The following SUPT20H variants were observed in gnomAD, a reference collection of about 807,000 sequenced individuals.
The protein encoded by SUPT20H is SPT20 homolog, SAGA complex component, also known as transcription factor SPT20 homolog.
A neutral mutation model predicts 122.8 loss-of-function variants in SUPT20H; 82 were observed. The observed-to-expected ratio is 0.67, with a 90% CI of 0.56 to 0.80. The LOEUF (loss-of-function observed/expected upper bound fraction) is 0.80. Ranked by LOEUF, SUPT20H falls within the 30% of genes least tolerant of loss-of-function variation. SUPT20H has a pLI of 0.00. For synonymous variants in SUPT20H, 291 were observed against 313.0 expected, an observed-to-expected ratio of 0.93 and a Z score of 0.74; for missense variants, 831 against 921.6, an observed-to-expected ratio of 0.90 and a Z score of 1.27.
At chr13:37,050,599 G>A (rs2067473601) in intron 2 of SUPT20H, among the ~76,000 whole-genome samples, 1 of 152,102 alleles carries the variant, frequency 6.6e-6, no homozygotes, top group South Asian at 2.1e-4. Context: ...TAAACAGCCA[G>A]TCATCTCAAG....
intron 7 of SUPT20H, 135 bp downstream of exon 7, chr13:37,043,943 A>C: frequency 1.8e-6 from 1 of 566,340 alleles, no homozygotes; most frequent in Non-Finnish European, 3.0e-6. Context: ...CAGTGATAGA[A>C]ATTAAATATC....
intron 9 of SUPT20H, among the ~76,000 whole-genome samples, chr13:37,034,352 T>G (rs1056349444): frequency 2.6e-5 from 4 of 152,190 alleles, no homozygotes; most frequent in Non-Finnish European, 5.9e-5. Context: ...TGAATATCCA[T>G]AACAGATAAA....
chr13:37,036,235 T>A (rs1018585947), intron 9 of SUPT20H, among the ~76,000 whole-genome samples: 1 of 152,112 alleles, frequency 6.6e-6, no homozygotes, highest in Non-Finnish European at 1.5e-5. Flanking sequence ...GATTTTTTTT[T>A]AAACATAATG....
chr13:37,044,117 T>C lies in SUPT20H; in HGVS notation c.357A>G (p.Glu119=). The change falls in exon 7 of 26, where the codon GAA becomes GAG. Residue 119 remains glutamate (E), a synonymous_variant. Transcript: ENST00000350612. ...GELLEYLDAE[E]LPPILVDLLE... ...GGAGATCAACCAAAATAGGAGGTAA[T>C]TCTTCTGCATCCAAATATTCAAGCA... 1 of 1,612,858 alleles carries C rather than the reference T, an allele frequency of 6.2e-7. No homozygotes were observed. The highest frequency in any genetic ancestry group is 8.5e-7 in the Non-Finnish European group (1 of 1,179,466).
intron 1 of SUPT20H, among the ~76,000 whole-genome samples, chr13:37,055,428 A>C (rs1036723777): frequency 6.6e-6 from 1 of 152,206 alleles, no homozygotes; most frequent in African/African-American, 2.4e-5. Flanking sequence ...GATATAGACC[A>C]ATGGAACAGA....
chr13:37,035,940 G>A (rs1395315155), intron 9 of SUPT20H, among the ~76,000 whole-genome samples: 1 of 152,192 alleles, frequency 6.6e-6, no homozygotes, highest in East Asian at 1.9e-4. Flanking sequence ...CAGCAACAGG[G>A]TTTTAGAGGA....
chr13:37,018,378 A>G (rs1233540588), intron 22 of SUPT20H, among the ~76,000 whole-genome samples: 2 of 152,224 alleles, frequency 1.3e-5, no homozygotes, highest in Non-Finnish European at 2.9e-5. Flanking sequence ...TGCCCATATT[A>G]TAAGTATATT....
chr13:37,031,505 G>T, intron 12 of SUPT20H, 62 bp downstream of exon 12: 2 of 1,124,514 alleles, frequency 1.8e-6, no homozygotes, highest in South Asian at 2.0e-5. Context: ...CAAGGTATAA[G>T]CAACCGAATA....
rs768927428 is a variant in SUPT20H, at chr13:37,033,465, T to C, written c.691A>G (p.Thr231Ala). ...GGCAATTACCGTTTCATTGGGCGAG[T>C]GTTCATCTTTTGCTTGTTATAGAGC... ...RLLYNKQKMN[T>A]RPMKRCFKRY... Residue 231 changes from threonine (T) to alanine (A), a missense_variant, in exon 10 of 26, where the codon ACT becomes GCT. Transcript: ENST00000350612. The C allele has an allele frequency of 2.4e-5, 38 of 1,611,198 alleles. No homozygotes were observed. Among genetic ancestry groups the C allele is most frequent in the Non-Finnish European group, 3.1e-5 (36 of 1,178,746 alleles).
intron 13 of SUPT20H, 27 bp downstream of exon 13, chr13:37,029,738 A>G: frequency 6.3e-7 from 1 of 1,585,774 alleles, no homozygotes; most frequent in Non-Finnish European, 8.6e-7. Context: ...GCATAATTAG[A>G]AACAGAGACA....
chr13:37,036,833 A>G (rs1159691759), intron 9 of SUPT20H, among the ~76,000 whole-genome samples: 2 of 152,152 alleles, frequency 1.3e-5, no homozygotes, highest in Non-Finnish European at 2.9e-5. Flanking sequence ...GATTTTCTTA[A>G]TAATGTTTTC....
At chr13:37,014,225 T>TA (rs1172901002) in intron 23 of SUPT20H, among the ~76,000 whole-genome samples, 2 of 152,102 alleles carry the variant, frequency 1.3e-5, no homozygotes, top group African/African-American at 4.8e-5. Flanking sequence ...ATAACAATCC[T>TA]AAATGTATAT....
intron 25 of SUPT20H, 115 bp from the exon 26 acceptor site, chr13:37,009,924 C>A: frequency 7.2e-7 from 1 of 1,397,846 alleles, no homozygotes; most frequent in South Asian, 1.5e-5. Flanking sequence ...ACCAAGATAA[C>A]AAAAAGGGAC....
chr13:37,027,535 C>T (rs1222915938), intron 14 of SUPT20H, among the ~76,000 whole-genome samples: 2 of 151,976 alleles, frequency 1.3e-5, no homozygotes, highest in African/African-American at 2.4e-5. Flanking sequence ...ACATAGACCT[C>T]GCCCCCATCC....
intron 12 of SUPT20H, 30 bp from the exon 13 acceptor site, chr13:37,029,866 A>T (rs2062990010): frequency 6.6e-7 from 1 of 1,524,548 alleles, no homozygotes; most frequent in Non-Finnish European, 8.9e-7. Flanking sequence ...AATACCACAT[A>T]AAATAGAATC....
At chr13:37,040,855 C>A (rs1253232670) in intron 7 of SUPT20H, among the ~76,000 whole-genome samples, 163 bp from the exon 8 acceptor site, 1 of 152,134 alleles carries the variant, frequency 6.6e-6, no homozygotes, top group African/African-American at 2.4e-5. Flanking sequence ...CTATGTAAAC[C>A]TTTTCAGAGG....
At position 37,012,247 on chromosome 13, in the gene SUPT20H, T is replaced by C. The variant is rs770085999; in HGVS notation, c.2043A>G (p.Gln681=). ...CTCCAGTAAGGTTAATAACAGCAGC[T>C]TGCTGAGCAGATAAGGCCTGTTCTT... ...TSQEQALSAQ[Q]AAVINLTGVG... The change falls in exon 24 of 26, where the codon CAA becomes CAG. Residue 681 remains glutamine, a synonymous_variant. Coordinates refer to ENST00000350612, the MANE Select transcript of SUPT20H (RefSeq NM_001014286.3). The C allele has an allele frequency of 6.2e-7, 1 of 1,613,516 alleles. No homozygotes were observed. The highest frequency in any genetic ancestry group is 1.1e-5 in the South Asian group (1 of 91,050).
chr13:37,045,630 G>T (rs1205781804), intron 5 of SUPT20H, among the ~76,000 whole-genome samples: 1 of 151,872 alleles, frequency 6.6e-6, no homozygotes, highest in African/African-American at 2.4e-5. Context: ...CACAATAAAA[G>T]CACTTAAATA....
chr13:37,058,569 A>G (rs572949902), intron 1 of SUPT20H, among the ~76,000 whole-genome samples: 10 of 152,338 alleles, frequency 6.6e-5, no homozygotes, highest in African/African-American at 2.2e-4. Context: ...TAATAACTTC[A>G]TATCTCTCAC....
Sources: gnomAD v4.1 joint callset for allele counts (sites outside exome capture counted in the v4.1 genomes callset) on GRCh38, gnomAD v4.1.1 for gene constraint, MANE v1.5 for transcripts, NCBI Gene and HGNC (gene_info 2026-07-23, HGNC 2026-07-21) for gene names.